Variants in POLR2E observed in about 807,000 individuals in gnomAD.
POLR2E encodes RNA polymerase II, I and III subunit E.
A neutral mutation model predicts 29.8 loss-of-function variants in POLR2E; 35 were observed. That is an observed-to-expected ratio of 1.17 (90% CI 0.90 to 1.55). POLR2E has a LOEUF of 1.55. Among genes scored for constraint, POLR2E ranks in the 40% most tolerant of loss-of-function variants. The probability of loss-of-function intolerance (pLI) is 0.00; values close to 1 mark genes in which losing one functional copy is unlikely to be tolerated. For missense variants in POLR2E, 287 were observed against 288.6 expected (o/e 0.99, Z 0.04); for synonymous variants, 174 against 112.6 (o/e 1.55, Z -3.45).
Position 1,091,915 on chromosome 19 carries a change from C to G in POLR2E, c.233-8G>C. 1.9e-6 allele frequency: 3 copies of G among 1,594,658 alleles called. No individual in the cohort carries two copies. The highest frequency in any genetic ancestry group is 2.6e-6 in the Non-Finnish European group (3 of 1,163,832). On this transcript the variant is annotated splice_region_variant and splice_polypyrimidine_tract_variant and intron_variant, in intron 2 of 7. Coordinates refer to ENST00000615234, the MANE Select transcript of POLR2E (RefSeq NM_002695.5). ...TGCCCACCTTGGGCTCCTCTGCAGACAGAGAGTGTGCTGGCCTGCACGAGC... is the reference window on the plus strand; with the variant it reads ...TGCCCACCTTGGGCTCCTCTGCAGAGAGAGAGTGTGCTGGCCTGCACGAGC...
At position 1,087,916 on chromosome 19, in the gene POLR2E, C is replaced by T. The variant is rs1268435271; in HGVS notation, c.*819G>A. 4 of 152,424 alleles carry T rather than the reference C, an allele frequency of 2.6e-5. No homozygotes were observed. The highest frequency in any genetic ancestry group is 1.9e-4 in the East Asian group (1 of 5,272). 9.4% of individuals were successfully genotyped at this position (152,424 alleles called of 1,614,324 possible). ...CGGGGAAGTAGAGCCAGATCCCAAACGTCTGTAAGAGGAACTGGCCGCAAA... is the reference window on the plus strand; with the variant it reads ...CGGGGAAGTAGAGCCAGATCCCAAATGTCTGTAAGAGGAACTGGCCGCAAA... On this transcript the variant is annotated 3_prime_UTR_variant, in exon 8 of 8. Coordinates refer to ENST00000615234, the MANE Select transcript of POLR2E (RefSeq NM_002695.5).
rs551833884 is a variant in POLR2E, at chr19:1,091,917, G to T, written c.233-10C>A. Reference sequence around the variant, plus strand: ...CCCACCTTGGGCTCCTCTGCAGACAGAGAGTGTGCTGGCCTGCACGAGCCT... The same window carrying T: ...CCCACCTTGGGCTCCTCTGCAGACATAGAGTGTGCTGGCCTGCACGAGCCT... On this transcript the variant is annotated splice_polypyrimidine_tract_variant and intron_variant, in intron 2 of 7. Transcript: ENST00000615234. 6.3e-7 allele frequency: 1 copy of T among 1,586,160 alleles called. No homozygotes were observed. Among genetic ancestry groups the T allele is most frequent in the East Asian group, 2.2e-5 (1 of 44,766 alleles).
intron 4 of POLR2E, 108 bp from the exon 5 acceptor site, chr19:1,090,253 C>T: frequency 2.1e-6 from 2 of 933,424 alleles, no homozygotes; most frequent in Non-Finnish European, 3.4e-6. Context: ...GAGCCCTGAA[C>T]CCCACCCCGA....
At chr19:1,094,437 A>G (rs937705050) in intron 1 of POLR2E, 4 of 239,092 alleles carry the variant, frequency 1.7e-5, no homozygotes, top group African/African-American at 9.1e-5. Context: ...CCCAGTACTT[A>G]GGGAGGCTGA....
rs182166193 is a variant in POLR2E, at chr19:1,092,250, C to A, written c.233-343G>T. 68 of 256,360 alleles carry A rather than the reference C, an allele frequency of 2.7e-4. 1 individual carries two copies. Among genetic ancestry groups the A allele is most frequent in the Non-Finnish European group, 4.0e-4 (51 of 128,434 alleles). 15.9% of individuals were successfully genotyped at this position (256,360 alleles called of 1,614,324 possible). A position where few individuals can be genotyped will look rare whatever the true frequency, so the allele number is the denominator to read the frequency against. On this transcript the variant is annotated intron_variant, in intron 2 of 7. Transcript: ENST00000615234. ...AGCACCAACCTCTCCAACAAGCAGACCTCACACCCCAGGACGCTCTCTTTA... is the reference window on the plus strand; with the variant it reads ...AGCACCAACCTCTCCAACAAGCAGAACTCACACCCCAGGACGCTCTCTTTA...
rs1344951937 is a variant in POLR2E at position 1,088,179 on chromosome 19, A to C, written c.*556T>G. ...GTCGGCCTGGTTTCTGTATCAAGCAAATTTATTTGCTCAAAACATCTTTAC... is the reference window on the plus strand; with the variant it reads ...GTCGGCCTGGTTTCTGTATCAAGCACATTTATTTGCTCAAAACATCTTTAC... On this transcript the variant is annotated 3_prime_UTR_variant, in exon 8 of 8. Transcript: ENST00000615234. 1 of 152,276 alleles carries C rather than the reference A, an allele frequency of 6.6e-6. No individual in the cohort carries two copies. Among genetic ancestry groups the C allele is most frequent in the Non-Finnish European group, 1.5e-5 (1 of 68,028 alleles). 9.4% of individuals were successfully genotyped at this position (152,276 alleles called of 1,614,324 possible). A position where few individuals can be genotyped will look rare whatever the true frequency, so the allele number is the denominator to read the frequency against.
intron 2 of POLR2E, among the ~76,000 whole-genome samples, 169 bp from the exon 3 acceptor site, chr19:1,092,076 CA>C (rs2043844881): frequency 6.6e-6 from 1 of 152,190 alleles, no homozygotes; most frequent in South Asian, 2.1e-4. Context: ...GATCCCAGGA[CA>C]GGGGAAGAGA....
chr19:1,091,194 G>C (rs2043821327), intron 3 of POLR2E, among the ~76,000 whole-genome samples: 1 of 152,256 alleles, frequency 6.6e-6, no homozygotes, highest in Admixed American at 6.5e-5. Context: ...ATCCAGCAGT[G>C]AAGTGGCCGT....
Position 1,089,124 on chromosome 19 carries a change from A to AGCTCTGGGG in POLR2E, c.*14+339_*14+347dup, listed in dbSNP as rs751004042. Among the ~76,000 whole-genome samples, 203 of 152,274 alleles carry AGCTCTGGGG rather than the reference A, an allele frequency of 1.3e-3. 3 individuals carry two copies. Among genetic ancestry groups the AGCTCTGGGG allele is most frequent in the Non-Finnish European group, 8.4e-4 (57 of 68,002 alleles). ...GGCCTGAAGCTGTGCCTCCTCTCTC[A>AGCTCTGGGG]GCTCTGGGGTCTCTGGGCAGGTTTC... On this transcript the variant is annotated intron_variant, in intron 7 of 7. Transcript: ENST00000615234.
Position 1,093,998 on chromosome 19 carries a change from G to C in POLR2E, c.138C>G (p.Asp46Glu). 1 of 1,613,670 alleles carries C rather than the reference G, an allele frequency of 6.2e-7. No homozygotes were observed. The highest frequency in any genetic ancestry group is 8.5e-7 in the Non-Finnish European group (1 of 1,179,916). Residue 46 changes from aspartate to glutamate, a missense_variant, in exon 2 of 8, where the codon GAC becomes GAG. Asp to Glu is a conservative substitution (Grantham distance 45). Transcript: ENST00000615234. ...GCCGCGGCCGCCCCTCACTCGGCTT[G>C]TCCCCAGATTGGGCTTTGAACTCCT... ...TLEEFKAQSG[D>E]KPSEGRPRRT...
intron 2 of POLR2E, 67 bp downstream of exon 2, chr19:1,093,837 T>C: frequency 6.7e-7 from 1 of 1,484,850 alleles, no homozygotes; most frequent in Non-Finnish European, 9.0e-7. Flanking sequence ...GGGTGGGTGC[T>C]AGCGACCGGC....
intron 3 of POLR2E, 100 bp from the exon 4 acceptor site, chr19:1,091,088 C>G: frequency 4.2e-6 from 4 of 959,296 alleles, no homozygotes; most frequent in Non-Finnish European, 6.4e-6. Flanking sequence ...TGTGCCCCAA[C>G]AACACACCCA....
Position 1,094,104 on chromosome 19 carries a change from C to T in POLR2E, c.58-26G>A, listed in dbSNP as rs760789784. 6 of 1,589,488 alleles carry T rather than the reference C, an allele frequency of 3.8e-6. No homozygotes were observed. The East Asian group carries it at 9.0e-5, about 24-fold the overall frequency. On this transcript the variant is annotated intron_variant, in intron 1 of 7. Transcript: ENST00000615234. ...CTGCAGAGAGAAAGAACCAGCTGACCCCAGGGCAGAGAGAGGAAGGCGGCC... is the reference window on the plus strand; with the variant it reads ...CTGCAGAGAGAAAGAACCAGCTGACTCCAGGGCAGAGAGAGGAAGGCGGCC...
At chr19:1,092,682 T>G (rs1268385221) in intron 2 of POLR2E, among the ~76,000 whole-genome samples, 1 of 151,202 alleles carries the variant, frequency 6.6e-6, no homozygotes, top group Non-Finnish European at 1.5e-5. Context: ...AGCAAGACTC[T>G]GTCTCAAAAA....
rs1352042839 is a variant in POLR2E, at chr19:1,086,788, C to CGCGAGCCT, written c.*1946_*1947insAGGCTCGC. ...AAGGGAACCCCCCGCCACGGGGCCC[C>CGCGAGCCT]GCGAGGTGGGAGCCCGGGTGGTCTT... On this transcript the variant is annotated 3_prime_UTR_variant, in exon 8 of 8. Coordinates refer to ENST00000615234, the MANE Select transcript of POLR2E (RefSeq NM_002695.5). The CGCGAGCCT allele has an allele frequency of 1.3e-5, 2 of 151,816 alleles. No individual in the cohort carries two copies. Among genetic ancestry groups the CGCGAGCCT allele is most frequent in the Admixed American group, 1.3e-4 (2 of 15,268 alleles). The allele number at this position is 151,816 out of a possible 1,614,324, so 9.4% of individuals were successfully genotyped here. A position where few individuals can be genotyped will look rare whatever the true frequency, so the allele number is the denominator to read the frequency against.
rs2043795268 is a variant in POLR2E, at chr19:1,090,038, AG to A, written c.488+48del. On this transcript the variant is annotated intron_variant, in intron 5 of 7. Transcript: ENST00000615234. ...GGTGTGTGTGGGGGGGGAACGCGGA[AG>A]TCTCGAGGGACAGGGAGGGGCGGGG... is the stretch of plus-strand genomic sequence containing the variant. 12 of 1,401,922 alleles carry A rather than the reference AG, an allele frequency of 8.6e-6. No individual in the cohort carries two copies. In the East Asian group the frequency reaches 2.9e-4, roughly 34 times the overall value. The allele number at this position is 1,401,922 out of a possible 1,614,324, so 86.8% of individuals were successfully genotyped here.
chr19:1,093,356 G>A (rs886265248), intron 2 of POLR2E, among the ~76,000 whole-genome samples: 7 of 152,256 alleles, frequency 4.6e-5, no homozygotes, highest in Non-Finnish European at 8.8e-5. Context: ...GAGGCAGACA[G>A]GTGCGGAGAC....
At chr19:1,089,740 G>T in intron 6 of POLR2E, 144 bp downstream of exon 6, 1 of 804,758 alleles carries the variant, frequency 1.2e-6, no homozygotes, top group Non-Finnish European at 2.0e-6. Context: ...CTGGCTTTAA[G>T]AGGGGGATAT....
At chr19:1,093,322 T>C (rs915451982) in intron 2 of POLR2E, among the ~76,000 whole-genome samples, 1 of 152,226 alleles carries the variant, frequency 6.6e-6, no homozygotes, top group African/African-American at 2.4e-5. Context: ...CCCCAACCGC[T>C]GAGGGCTTTA....
Sources: gnomAD v4.1 joint callset for allele counts (sites outside exome capture counted in the v4.1 genomes callset) on GRCh38, gnomAD v4.1.1 for gene constraint, MANE v1.5 for transcripts, NCBI Gene and HGNC (gene_info 2026-07-23, HGNC 2026-07-21) for gene names.